NRXN1: variants seen among roughly 807,000 people sequenced by gnomAD.
The protein encoded by NRXN1 is neurexin-1.
NRXN1 carries 39 observed loss-of-function variants against 150.9 expected under a neutral mutation model. That is an observed-to-expected ratio of 0.26 (90% CI 0.20 to 0.34). NRXN1 has a LOEUF of 0.34. Ranked by LOEUF, NRXN1 falls within the 10% of genes least tolerant of loss-of-function variation. The pLI is 1.00. For missense variants in NRXN1, 1,815 were observed against 1,949.9 expected (o/e 0.93, Z 1.30); for synonymous variants, 924 against 757.0 (o/e 1.22, Z -3.62).
At chr2:50,895,388 C>T (rs1681766259) in intron 5 of NRXN1, among the ~76,000 whole-genome samples, 1 of 152,116 alleles carries the variant, frequency 6.6e-6, no homozygotes, top group Admixed American at 6.6e-5. Flanking sequence ...AAGGCAGTAA[C>T]TAGTCATTTC....
At chr2:50,119,944 A>T (rs1410345484) in intron 18 of NRXN1, among the ~76,000 whole-genome samples, 1 of 152,176 alleles carries the variant, frequency 6.6e-6, no homozygotes, top group Non-Finnish European at 1.5e-5. Flanking sequence ...AAAAATGTTA[A>T]GCCATGTTTT....
chr2:51,004,909 A>C (rs1700522585), intron 2 of NRXN1, among the ~76,000 whole-genome samples: 1 of 151,956 alleles, frequency 6.6e-6, no homozygotes, highest in African/African-American at 2.4e-5. Flanking sequence ...AGAAATATTA[A>C]TTTTAGACTA....
At chr2:50,201,178 C>T (rs535711837) in intron 18 of NRXN1, among the ~76,000 whole-genome samples, 1 of 152,230 alleles carries the variant, frequency 6.6e-6, no homozygotes, top group Admixed American at 6.5e-5. Context: ...GAAAAGTATG[C>T]TTACTGCTAT....
chr2:51,004,232 G>A (rs1207541826), intron 2 of NRXN1, among the ~76,000 whole-genome samples: 3 of 151,938 alleles, frequency 2.0e-5, no homozygotes, highest in Admixed American at 2.0e-4. Context: ...TTAAATTCAT[G>A]ACAAAGGGCA....
intron 12 of NRXN1, among the ~76,000 whole-genome samples, chr2:50,518,574 T>A (rs1439198858): frequency 5.3e-5 from 8 of 151,856 alleles, no homozygotes; most frequent in Non-Finnish European, 1.2e-4. Flanking sequence ...AGCATATGGG[T>A]CCTGAGCATT....
At chr2:51,017,887 TACA>T (rs1390375893) in intron 2 of NRXN1, among the ~76,000 whole-genome samples, 4 of 152,082 alleles carry the variant, frequency 2.6e-5, no homozygotes, top group Admixed American at 2.6e-4. Flanking sequence ...GTTTCTTCCA[TACA>T]ACAACTATAG....
intron 15 of NRXN1, among the ~76,000 whole-genome samples, chr2:50,481,510 A>AT (rs1182003872): frequency 6.6e-6 from 1 of 152,188 alleles, no homozygotes; most frequent in Non-Finnish European, 1.5e-5. Flanking sequence ...AAAAGTCAAC[A>AT]TTTGATTTTT....
At chr2:50,302,048 T>C (rs945785780) in intron 17 of NRXN1, among the ~76,000 whole-genome samples, 1 of 152,128 alleles carries the variant, frequency 6.6e-6, no homozygotes, top group Non-Finnish European at 1.5e-5. Flanking sequence ...TGAAGAAATA[T>C]TTTTTTAAAA....
intron 17 of NRXN1, among the ~76,000 whole-genome samples, chr2:50,383,413 G>A (rs2081108379): frequency 6.6e-6 from 1 of 152,076 alleles, no homozygotes; most frequent in Admixed American, 6.6e-5. Context: ...TACAGTCTGA[G>A]ATCTCCCAGG....
intron 21 of NRXN1, among the ~76,000 whole-genome samples, chr2:50,048,649 T>C (rs1442350941): frequency 2.6e-5 from 4 of 152,180 alleles, no homozygotes; most frequent in Non-Finnish European, 5.9e-5. Context: ...TAAACATTAA[T>C]TGGGTTCTTT....
chr2:50,475,861 G>C (rs1348316395), intron 15 of NRXN1, among the ~76,000 whole-genome samples: 1 of 124,634 alleles, frequency 8.0e-6, no homozygotes, highest in Non-Finnish European at 1.7e-5. Flanking sequence ...TTTGATCCTT[G>C]AAGTGACGGG....
intron 21 of NRXN1, among the ~76,000 whole-genome samples, chr2:49,981,021 G>A (rs533381898): frequency 6.6e-6 from 1 of 152,160 alleles, no homozygotes; most frequent in Non-Finnish European, 1.5e-5. Context: ...TTTTCTCCTA[G>A]CTGACTTCTA....
chr2:50,576,975 A>G (rs1671532267), intron 8 of NRXN1, among the ~76,000 whole-genome samples: 2 of 152,076 alleles, frequency 1.3e-5, no homozygotes, highest in Admixed American at 1.3e-4. Context: ...CTGACATTTT[A>G]ATGATAAGCT....
chr2:49,959,554 G>A (rs763047899), intron 21 of NRXN1, among the ~76,000 whole-genome samples: 1 of 152,210 alleles, frequency 6.6e-6, no homozygotes, highest in Non-Finnish European at 1.5e-5. Context: ...GTGATCTGCT[G>A]CATGGGCATT....
intron 17 of NRXN1, among the ~76,000 whole-genome samples, chr2:50,371,755 G>C (rs12477910): frequency 0.27 from 34,229 of 127,980 alleles, 4,255 homozygotes; most frequent in East Asian, 0.56. Context: ...AGCTGGGACA[G>C]TTACTGTTGC....
chr2:49,991,164 C>A (rs1296466515), intron 21 of NRXN1, among the ~76,000 whole-genome samples: 1 of 152,102 alleles, frequency 6.6e-6, no homozygotes, highest in Admixed American at 6.6e-5. Context: ...TCCACTAAGA[C>A]TAGAAACAAG....
chr2:50,701,719 G>T lies in NRXN1; in HGVS notation c.833-78104C>A, dbSNP rs1312895672. Among the ~76,000 whole-genome samples, 8 of 152,200 alleles carry T rather than the reference G, an allele frequency of 5.3e-5. No individual in the cohort carries two copies. In the East Asian group the frequency reaches 1.5e-3, roughly 29 times the overall value. On this transcript the variant is annotated intron_variant, in intron 5 of 22. Transcript: ENST00000401669. The stretch of plus-strand genomic sequence containing the variant: ...AACTCCCATTCCTCTTCAATGCTTG[G>T]ATACCTCCAGTAAGTTGTAAGCCCT...
chr2:50,241,772 G>A (rs1268039285), intron 17 of NRXN1, among the ~76,000 whole-genome samples: 1 of 151,658 alleles, frequency 6.6e-6, no homozygotes, highest in Non-Finnish European at 1.5e-5. Flanking sequence ...TTACATATAG[G>A]GCTCTCTCCC....
intron 15 of NRXN1, among the ~76,000 whole-genome samples, chr2:50,482,811 G>C (rs2090568650): frequency 6.6e-6 from 1 of 152,010 alleles, no homozygotes; most frequent in Admixed American, 6.6e-5. Flanking sequence ...TAAAGAATCT[G>C]GCCAACAGGC....
Sources: gnomAD v4.1 joint callset for allele counts (sites outside exome capture counted in the v4.1 genomes callset) on GRCh38, gnomAD v4.1.1 for gene constraint, MANE v1.5 for transcripts, NCBI Gene and HGNC (gene_info 2026-07-23, HGNC 2026-07-21) for gene names.